Variants in SGIP1 observed in about 807,000 individuals in gnomAD.
SGIP1 encodes SH3-containing GRB2-like protein 3-interacting protein 1.
SGIP1 carries 38 observed loss-of-function variants against 107.5 expected under a neutral mutation model. The ratio of observed to expected loss-of-function variants is 0.35; its 90% confidence interval spans 0.27 to 0.46. The LOEUF (loss-of-function observed/expected upper bound fraction) is 0.46, where lower values mean the gene tolerates loss of function less well. Among genes scored for constraint, SGIP1 ranks in the 20% least tolerant of loss-of-function variants. The pLI is 1.00. For synonymous variants in SGIP1, 365 were observed against 366.1 expected (o/e 1.00, Z 0.03); for missense variants, 929 against 1,019.5 (o/e 0.91, Z 1.21).
At chr1:66,640,581 A>G (rs2076591629) in intron 5 of SGIP1, among the ~76,000 whole-genome samples, 1 of 152,164 alleles carries the variant, frequency 6.6e-6, no homozygotes, top group Non-Finnish European at 1.5e-5. Flanking sequence ...CCCAAATCAC[A>G]AATGTTGGGA....
chr1:66,734,898 G>A (rs2150659726), intron 21 of SGIP1, among the ~76,000 whole-genome samples: 1 of 152,222 alleles, frequency 6.6e-6, no homozygotes. Context: ...TTGAATATAT[G>A]TACGTTATGG....
intron 1 of SGIP1, among the ~76,000 whole-genome samples, chr1:66,560,822 T>C (rs899681686): frequency 2.0e-5 from 3 of 152,100 alleles, no homozygotes; most frequent in African/African-American, 7.2e-5. Context: ...AGGCAAGTTC[T>C]TAAGCTTTAT....
chr1:66,535,402 C>T (rs2053366630), intron 1 of SGIP1, among the ~76,000 whole-genome samples: 1 of 152,192 alleles, frequency 6.6e-6, no homozygotes, highest in Admixed American at 6.5e-5. Flanking sequence ...GAGAGGCCAC[C>T]TCTTAAGCCA....
intron 1 of SGIP1, among the ~76,000 whole-genome samples, chr1:66,591,864 G>A: frequency 6.6e-6 from 1 of 152,206 alleles, no homozygotes; most frequent in South Asian, 2.1e-4. Flanking sequence ...TAAGTTTAAG[G>A]AAAAGTGCTG....
At position 66,750,383 on chromosome 1, in the gene SGIP1, A is replaced by G. The variant is rs531273651; in HGVS notation, c.*7288A>G. ...TTAAACTTGAACAATGCAAGAATCT[A>G]GGAATCTCAGAAAGATTTTGCTGTG... On this transcript the variant is annotated 3_prime_UTR_variant, in exon 25 of 25. Transcript: ENST00000371037. 1.3e-5 allele frequency among the ~76,000 whole-genome samples: 2 copies of G among 152,314 alleles called. No homozygotes were observed. Among genetic ancestry groups the G allele is most frequent in the South Asian group, 4.1e-4 (2 of 4,826 alleles).
chr1:66,535,164 T>C (rs2053304125), intron 1 of SGIP1, among the ~76,000 whole-genome samples: 1 of 152,162 alleles, frequency 6.6e-6, no homozygotes, highest in East Asian at 1.9e-4. Flanking sequence ...TAAATTACCC[T>C]TCCCAGTCTG....
At chr1:66,660,420 G>C in intron 7 of SGIP1, 93 bp from the exon 8 acceptor site, 1 of 1,222,478 alleles carries the variant, frequency 8.2e-7, no homozygotes, top group East Asian at 2.3e-5. Context: ...CCTTAAGTAA[G>C]GTTATCCTGA....
chr1:66,601,367 A>G (rs886434082), intron 1 of SGIP1, among the ~76,000 whole-genome samples: 1 of 152,200 alleles, frequency 6.6e-6, no homozygotes, highest in Non-Finnish European at 1.5e-5. Flanking sequence ...TCCGTCCCAA[A>G]CACAAACAAG....
chr1:66,533,992 G>A (rs2052973950), upstream of SGIP1, among the ~76,000 whole-genome samples: 1 of 151,374 alleles, frequency 6.6e-6, no homozygotes. Context: ...GGGTGGAGGG[G>A]AATGGGGACG....
intron 18 of SGIP1, among the ~76,000 whole-genome samples, chr1:66,699,207 G>A (rs750796951): frequency 1.3e-5 from 2 of 151,980 alleles, no homozygotes; most frequent in East Asian, 3.9e-4. Flanking sequence ...CCTCTCTTCA[G>A]TCTTCTGTGG....
intron 7 of SGIP1, among the ~76,000 whole-genome samples, chr1:66,656,265 C>T (rs923607776): frequency 2.6e-5 from 4 of 152,200 alleles, no homozygotes; most frequent in Non-Finnish European, 5.9e-5. Flanking sequence ...ACACATGGAG[C>T]TGTCACCTCC....
intron 2 of SGIP1, among the ~76,000 whole-genome samples, chr1:66,630,880 A>G (rs1161550307): frequency 1.7e-5 from 1 of 59,856 alleles, no homozygotes; most frequent in Non-Finnish European, 3.1e-5. Context: ...AGAAAGAAAG[A>G]AAGAAAGAAA....
At chr1:66,689,323 A>G in intron 16 of SGIP1, 48 bp downstream of exon 16, 5 of 1,588,658 alleles carry the variant, frequency 3.1e-6, no homozygotes, top group South Asian at 1.2e-5. Context: ...GAGAATGACA[A>G]ACAGAAGCTC....
intron 15 of SGIP1, among the ~76,000 whole-genome samples, chr1:66,685,138 C>T (rs977512625): frequency 6.6e-6 from 1 of 152,242 alleles, no homozygotes; most frequent in African/African-American, 2.4e-5. Flanking sequence ...GTGCTTCTCA[C>T]TACCTGCTTT....
chr1:66,555,964 A>G (rs2058114689), intron 1 of SGIP1, among the ~76,000 whole-genome samples: 1 of 152,164 alleles, frequency 6.6e-6, no homozygotes, highest in African/African-American at 2.4e-5. Flanking sequence ...CCAGGATTTG[A>G]ACCCCGCGAT....
chr1:66,653,188 G>A (rs891015718), intron 7 of SGIP1, among the ~76,000 whole-genome samples: 7 of 152,142 alleles, frequency 4.6e-5, no homozygotes, highest in African/African-American at 1.7e-4. Context: ...GGGAAAATAG[G>A]TGGAAATTTT....
intron 7 of SGIP1, among the ~76,000 whole-genome samples, chr1:66,649,140 C>T (rs1348721046): frequency 1.3e-5 from 2 of 152,194 alleles, no homozygotes; most frequent in African/African-American, 4.8e-5. Flanking sequence ...AATGTATCTA[C>T]ATCTCGAGGC....
chr1:66,655,785 G>C (rs1302854497), intron 7 of SGIP1, among the ~76,000 whole-genome samples: 1 of 152,068 alleles, frequency 6.6e-6, no homozygotes, highest in African/African-American at 2.4e-5. Flanking sequence ...AATGGAGTTT[G>C]CAGGGCTCAA....
intron 1 of SGIP1, among the ~76,000 whole-genome samples, chr1:66,535,904 G>GT (rs72502646): frequency 2.3e-4 from 1 of 4,424 alleles, no homozygotes; most frequent in African/African-American, 2.3e-3. Flanking sequence ...ACTTCATATA[G>GT]CTTTCTTAAA....
Sources: gnomAD v4.1 joint callset for allele counts (sites outside exome capture counted in the v4.1 genomes callset) on GRCh38, gnomAD v4.1.1 for gene constraint, MANE v1.5 for transcripts, NCBI Gene and HGNC (gene_info 2026-07-23, HGNC 2026-07-21) for gene names.